Variants in CSMD2 observed in about 807,000 individuals in gnomAD.
CSMD2 encodes CUB and Sushi multiple domains 2.
In CSMD2, 130 loss-of-function variants were observed where a neutral mutation model predicts 398.5. That is an observed-to-expected ratio of 0.33 (90% CI 0.28 to 0.38). The LOEUF (loss-of-function observed/expected upper bound fraction) is 0.38. Among genes scored for constraint, CSMD2 ranks in the 10% least tolerant of loss-of-function variants. The pLI is 1.00. For missense variants in CSMD2, 3,829 were observed against 4,764.9 expected, an observed-to-expected ratio of 0.80 and a Z score of 5.78; for synonymous variants, 1,828 against 1,908.5, an observed-to-expected ratio of 0.96 and a Z score of 1.10.
intron 3 of CSMD2, among the ~76,000 whole-genome samples, chr1:34,025,022 C>T (rs756625484): frequency 2.0e-5 from 3 of 152,152 alleles, no homozygotes; most frequent in Non-Finnish European, 4.4e-5. Flanking sequence ...AATTTATCTG[C>T]GTGCACAGTG....
At chr1:33,901,305 C>T (rs1642743617) in intron 5 of CSMD2, among the ~76,000 whole-genome samples, 3 of 152,310 alleles carry the variant, frequency 2.0e-5, no homozygotes, top group African/African-American at 4.8e-5. Context: ...TGGTGAGATG[C>T]GGTTGGCTGT....
chr1:34,063,014 C>T lies in CSMD2; in HGVS notation c.404+25963G>A, dbSNP rs537706686. Among the ~76,000 whole-genome samples the T allele has an allele frequency of 1.1e-4, 17 of 152,248 alleles. No homozygotes were observed. In the South Asian group the frequency reaches 2.3e-3, roughly 20 times the overall value. On this transcript the variant is annotated intron_variant, in intron 2 of 70. Transcript: ENST00000373381. ...CAACAAGATAAAAGTGAGGAAGATG[C>T]AAAAGCGGAAACCCCGATAAAACCA...
chr1:33,986,183 T>C (rs1219070665), intron 3 of CSMD2, among the ~76,000 whole-genome samples: 1 of 152,186 alleles, frequency 6.6e-6, no homozygotes, highest in African/African-American at 2.4e-5. Context: ...CAATAATCCC[T>C]TCACCTTGAA....
At chr1:34,162,136 C>T (rs564511919) in intron 1 of CSMD2, among the ~76,000 whole-genome samples, 14 of 144,374 alleles carry the variant, frequency 9.7e-5, no homozygotes, top group African/African-American at 3.1e-4. Flanking sequence ...TGCGCCATTG[C>T]ACTCCAGCCT....
At chr1:34,009,212 A>C (rs1420289055) in intron 3 of CSMD2, among the ~76,000 whole-genome samples, 1 of 151,972 alleles carries the variant, frequency 6.6e-6, no homozygotes, top group African/African-American at 2.4e-5. Flanking sequence ...TATGAGAAAA[A>C]CAAAGCCAAA....
chr1:33,634,780 TG>T (rs1159115684), intron 31 of CSMD2, among the ~76,000 whole-genome samples: 1 of 152,162 alleles, frequency 6.6e-6, no homozygotes, highest in Non-Finnish European at 1.5e-5. Context: ...GACACCAGAA[TG>T]ATGTGGCTCC....
intron 20 of CSMD2, among the ~76,000 whole-genome samples, chr1:33,715,918 T>C (rs1379095774): frequency 6.6e-6 from 1 of 151,618 alleles, no homozygotes; most frequent in Non-Finnish European, 1.5e-5. Context: ...TTTTTTTTTT[T>C]TCATATTGCT....
chr1:34,076,543 G>C (rs76062857), intron 2 of CSMD2, among the ~76,000 whole-genome samples: 1,791 of 152,226 alleles, frequency 0.012, 31 homozygotes, highest in African/African-American at 0.039. Flanking sequence ...CTCCAGATGT[G>C]GCCAAATGTC....
At chr1:33,806,546 A>G (rs1656250098) in intron 10 of CSMD2, among the ~76,000 whole-genome samples, 1 of 152,230 alleles carries the variant, frequency 6.6e-6, no homozygotes, top group Non-Finnish European at 1.5e-5. Flanking sequence ...CATGGTTCTG[A>G]GTGCAAGAGG....
chr1:33,815,442 C>A lies in CSMD2; in HGVS notation c.1324+4271G>T, dbSNP rs534524373. 3.3e-5 allele frequency: 5 copies of A among 152,276 alleles called. No homozygotes were observed. The South Asian group carries it at 1.0e-3, about 32-fold the overall frequency. 9.4% of individuals were successfully genotyped at this position (152,276 alleles called of 1,614,324 possible). On this transcript the variant is annotated intron_variant, in intron 9 of 70. Transcript: ENST00000373381. ...ATGGGAGCTTTTTGCACATTAATTG[C>A]AACTTTTCTGCAAGTTTAAAATCAT...
chr1:34,115,017 C>G (rs1661471709), intron 1 of CSMD2, among the ~76,000 whole-genome samples: 1 of 151,562 alleles, frequency 6.6e-6, no homozygotes, highest in Non-Finnish European at 1.5e-5. Context: ...TCAGTGAACT[C>G]AAAAACAGGT....
At chr1:33,919,354 T>C (rs887699996) in intron 4 of CSMD2, among the ~76,000 whole-genome samples, 11 of 152,286 alleles carry the variant, frequency 7.2e-5, no homozygotes, top group Admixed American at 3.3e-4. Context: ...GGTATGTCTG[T>C]GGGGCCTCCA....
intron 25 of CSMD2, among the ~76,000 whole-genome samples, chr1:33,674,675 A>G (rs1644636984): frequency 1.3e-5 from 2 of 152,190 alleles, no homozygotes; most frequent in South Asian, 4.1e-4. Flanking sequence ...GCACCACACC[A>G]CACCTATTCC....
chr1:33,929,432 C>CTTTTTTTTTTTTTTTTTTTTT (rs936900076), intron 4 of CSMD2, among the ~76,000 whole-genome samples: 11 of 100,664 alleles, frequency 1.1e-4, no homozygotes, highest in African/African-American at 4.9e-4. Flanking sequence ...CAAGCCTATA[C>CTTTTTTTTTTTTTTTTTTTTT]TTTTTTTTTT....
chr1:33,866,230 G>A (rs372797878), intron 5 of CSMD2, among the ~76,000 whole-genome samples: 20 of 152,222 alleles, frequency 1.3e-4, no homozygotes, highest in African/African-American at 4.3e-4. Context: ...GGATTTTCAT[G>A]TGCCAGGCCA....
chr1:33,818,340 T>C (rs1657711934), intron 9 of CSMD2, among the ~76,000 whole-genome samples: 1 of 152,186 alleles, frequency 6.6e-6, no homozygotes, highest in South Asian at 2.1e-4. Flanking sequence ...CCACGCCCCA[T>C]TTTAGGCAGT....
intron 1 of CSMD2, among the ~76,000 whole-genome samples, chr1:34,123,359 A>G (rs1662392032): frequency 6.6e-6 from 1 of 152,222 alleles, no homozygotes; most frequent in South Asian, 2.1e-4. Flanking sequence ...TTGTGTGCCC[A>G]GGGAGGGCAT....
chr1:33,989,526 G>A (rs1185597181), intron 3 of CSMD2, among the ~76,000 whole-genome samples: 1 of 152,126 alleles, frequency 6.6e-6, no homozygotes, highest in East Asian at 1.9e-4. Context: ...ATATTTCAAT[G>A]TTCATTCACA....
At chr1:33,539,358 T>C (rs1056876457) in intron 60 of CSMD2, among the ~76,000 whole-genome samples, 1 of 152,172 alleles carries the variant, frequency 6.6e-6, no homozygotes, top group South Asian at 2.1e-4. Flanking sequence ...TGCAAAAAGA[T>C]TAAATAACTT....
Sources: gnomAD v4.1 joint callset for allele counts (sites outside exome capture counted in the v4.1 genomes callset) on GRCh38, gnomAD v4.1.1 for gene constraint, MANE v1.5 for transcripts, NCBI Gene and HGNC (gene_info 2026-07-23, HGNC 2026-07-21) for gene names.